The following ATRNL1 variants were observed in gnomAD, a reference collection of about 807,000 sequenced individuals.
ATRNL1 encodes the protein attractin-like protein 1.
A neutral mutation model predicts 182.7 loss-of-function variants in ATRNL1; 95 were observed. The ratio of observed to expected loss-of-function variants is 0.52; its 90% confidence interval spans 0.44 to 0.62. The LOEUF (loss-of-function observed/expected upper bound fraction) is 0.62, where lower values mean the gene tolerates loss of function less well. Ranked by LOEUF, ATRNL1 falls within the 20% of genes least tolerant of loss-of-function variation. The probability of loss-of-function intolerance (pLI) is 0.00; values close to 1 mark genes in which losing one functional copy is unlikely to be tolerated. For missense variants in ATRNL1, 1,471 were observed against 1,679.5 expected (o/e 0.88, Z 2.17); for synonymous variants, 576 against 568.3 (o/e 1.01, Z -0.19).
intron 27 of ATRNL1, among the ~76,000 whole-genome samples, chr10:115,770,409 T>A (rs1948961261): frequency 6.6e-6 from 1 of 152,160 alleles, no homozygotes; most frequent in African/African-American, 2.4e-5. Context: ...TTTTGTATAC[T>A]CAATATTTTC....
intron 26 of ATRNL1, among the ~76,000 whole-genome samples, chr10:115,675,060 A>G (rs955732950): frequency 5.9e-5 from 9 of 152,046 alleles, no homozygotes; most frequent in African/African-American, 2.2e-4. Flanking sequence ...TTTCTGCTGA[A>G]CCTACACACA....
intron 1 of ATRNL1, among the ~76,000 whole-genome samples, chr10:115,107,233 T>A (rs1845148504): frequency 1.3e-5 from 2 of 152,116 alleles, no homozygotes; most frequent in African/African-American, 4.8e-5. Context: ...CTGGGGCAAA[T>A]TCCCTTCCAG....
At chr10:115,131,967 C>T (rs1845258755) in intron 5 of ATRNL1, among the ~76,000 whole-genome samples, 1 of 152,016 alleles carries the variant, frequency 6.6e-6, no homozygotes, top group South Asian at 2.1e-4. Context: ...TTCTAGGGCA[C>T]ATGTGCACAA....
chr10:115,845,045 A>T (rs539113421), intron 27 of ATRNL1, among the ~76,000 whole-genome samples: 1 of 152,140 alleles, frequency 6.6e-6, no homozygotes, highest in Admixed American at 6.6e-5. Context: ...ATTGAAAGTG[A>T]TATTTGCCAC....
At chr10:115,494,969 G>A (rs917863446) in intron 24 of ATRNL1, among the ~76,000 whole-genome samples, 2 of 151,988 alleles carry the variant, frequency 1.3e-5, no homozygotes, top group African/African-American at 4.8e-5. Context: ...CTGGTCTTGG[G>A]TTTTTTCTGG....
intron 24 of ATRNL1, among the ~76,000 whole-genome samples, chr10:115,499,821 C>T (rs1554979537): frequency 6.6e-6 from 1 of 152,200 alleles, no homozygotes; most frequent in Non-Finnish European, 1.5e-5. Flanking sequence ...CAGTTCCCAG[C>T]TTGATTTTTC....
rs141075796 is a variant in ATRNL1, at chr10:115,156,237, A to G, written c.830-3803A>G. The stretch of plus-strand genomic sequence containing the variant: ...ATCCCTGCATACCTAATTAATATTC[A>G]GTTTGTTTGTGGGTTGGTTGTATGG... On this transcript the variant is annotated intron_variant, in intron 5 of 28. Coordinates refer to ENST00000355044, the MANE Select transcript of ATRNL1 (RefSeq NM_207303.4). Among the ~76,000 whole-genome samples the G allele has an allele frequency of 4.6e-3, 694 of 152,184 alleles. 5 individuals are homozygous for G. The highest frequency in any genetic ancestry group is 9.9e-3 in the South Asian group (48 of 4,826).
At chr10:115,436,814 T>A (rs1846425133) in intron 21 of ATRNL1, among the ~76,000 whole-genome samples, 1 of 152,128 alleles carries the variant, frequency 6.6e-6, no homozygotes, top group Non-Finnish European at 1.5e-5. Context: ...GCTACTTTGT[T>A]AGACTCCATG....
intron 28 of ATRNL1, among the ~76,000 whole-genome samples, chr10:115,933,216 G>A (rs1037665095): frequency 1.4e-4 from 21 of 152,240 alleles, no homozygotes; most frequent in Admixed American, 9.2e-4. Context: ...TCCCAGCCAG[G>A]TGTTTGACAT....
intron 19 of ATRNL1, among the ~76,000 whole-genome samples, chr10:115,393,686 T>C (rs951105386): frequency 6.6e-6 from 1 of 152,128 alleles, no homozygotes; most frequent in Non-Finnish European, 1.5e-5. Context: ...TGTGATTATA[T>C]TGTTGTCAGT....
At chr10:115,672,589 G>T (rs1945732571) in intron 26 of ATRNL1, among the ~76,000 whole-genome samples, 1 of 152,070 alleles carries the variant, frequency 6.6e-6, no homozygotes, top group African/African-American at 2.4e-5. Flanking sequence ...TAAGCTGAAT[G>T]TTGAGAAGTT....
At chr10:115,516,232 A>G (rs1459214285) in intron 24 of ATRNL1, among the ~76,000 whole-genome samples, 2 of 151,818 alleles carry the variant, frequency 1.3e-5, no homozygotes, top group African/African-American at 4.8e-5. Context: ...TATTCTCAAT[A>G]AGTAGAAATA....
chr10:115,268,758 A>C (rs1333620673), intron 13 of ATRNL1, among the ~76,000 whole-genome samples: 1 of 152,210 alleles, frequency 6.6e-6, no homozygotes, highest in Non-Finnish European at 1.5e-5. Context: ...TATGAAAATA[A>C]GATTATATAG....
At chr10:115,788,711 A>G (rs116718955) in intron 27 of ATRNL1, among the ~76,000 whole-genome samples, 251 of 152,336 alleles carry the variant, frequency 1.6e-3, no homozygotes, top group African/African-American at 4.8e-3. Flanking sequence ...GTCCCTGGAA[A>G]GTGACAGGAA....
At chr10:115,732,204 C>T (rs1240183368) in intron 27 of ATRNL1, among the ~76,000 whole-genome samples, 1 of 152,066 alleles carries the variant, frequency 6.6e-6, no homozygotes, top group African/African-American at 2.4e-5. Flanking sequence ...TGGATTATAT[C>T]GTAACTTTTT....
At chr10:115,259,894 A>G (rs534385928) in intron 10 of ATRNL1, among the ~76,000 whole-genome samples, 6 of 152,276 alleles carry the variant, frequency 3.9e-5, no homozygotes, top group African/African-American at 1.4e-4. Flanking sequence ...ACTTCTAGGG[A>G]TTGTAAGAGT....
At chr10:115,358,601 A>G (rs555282016) in intron 19 of ATRNL1, among the ~76,000 whole-genome samples, 13 of 151,834 alleles carry the variant, frequency 8.6e-5, no homozygotes, top group African/African-American at 3.1e-4. Context: ...TAAGCATTTA[A>G]TAAAGATTTT....
At chr10:115,254,493 T>A (rs1851028364) in intron 10 of ATRNL1, among the ~76,000 whole-genome samples, 1 of 152,040 alleles carries the variant, frequency 6.6e-6, no homozygotes, top group South Asian at 2.1e-4. Flanking sequence ...GTTTGTTTTT[T>A]TCTTGTAAAT....
At chr10:115,466,112 A>AT (rs1433420986) in intron 22 of ATRNL1, among the ~76,000 whole-genome samples, 2 of 151,386 alleles carry the variant, frequency 1.3e-5, no homozygotes, top group Non-Finnish European at 3.0e-5. Flanking sequence ...GGGAAAGGCC[A>AT]TTTTCCTTGT....
Sources: gnomAD v4.1 joint callset for allele counts (sites outside exome capture counted in the v4.1 genomes callset) on GRCh38, gnomAD v4.1.1 for gene constraint, MANE v1.5 for transcripts, NCBI Gene and HGNC (gene_info 2026-07-23, HGNC 2026-07-21) for gene names.